PPFIBP1: variants seen among roughly 807,000 people sequenced by gnomAD.
The protein encoded by PPFIBP1 is PPFIB scaffold protein 1.
Under a neutral mutation model 137.8 loss-of-function variants are expected in PPFIBP1, and 112 were observed. That is an observed-to-expected ratio of 0.81 (90% confidence interval 0.70 to 0.95). The LOEUF (loss-of-function observed/expected upper bound fraction) is 0.95, where lower values mean the gene tolerates loss of function less well. Ranked by LOEUF, PPFIBP1 falls within the 40% of genes least tolerant of loss-of-function variation. The probability of loss-of-function intolerance (pLI) is 0.00; values close to 1 mark genes in which losing one functional copy is unlikely to be tolerated. For missense variants in PPFIBP1, 1,083 were observed against 1,196.6 expected (o/e 0.91, Z 1.40); for synonymous variants, 378 against 417.3 (o/e 0.91, Z 1.15).
chr12:27,680,595 C>T (rs1278136062), intron 21 of PPFIBP1, among the ~76,000 whole-genome samples: 1 of 152,114 alleles, frequency 6.6e-6, no homozygotes, highest in Non-Finnish European at 1.5e-5. Context: ...ACTCAAGAAA[C>T]ATTAGCATGT....
At chr12:27,600,429 T>G (rs1228146614) in intron 2 of PPFIBP1, among the ~76,000 whole-genome samples, 1 of 141,304 alleles carries the variant, frequency 7.1e-6, no homozygotes, top group Non-Finnish European at 1.5e-5. Context: ...AGAGCGAAAC[T>G]CCGTCTCAAA....
At chr12:27,687,332 T>C in intron 24 of PPFIBP1, 53 bp from the exon 25 acceptor site, 2 of 1,571,386 alleles carry the variant, frequency 1.3e-6, no homozygotes, top group Non-Finnish European at 8.6e-7. Context: ...CCTAAGAAAG[T>C]CCTCCTGCTA....
chr12:27,532,235 G>A (rs1036836628), intron 1 of PPFIBP1, among the ~76,000 whole-genome samples: 4 of 152,288 alleles, frequency 2.6e-5, no homozygotes, highest in African/African-American at 7.2e-5. Flanking sequence ...ACAGGAGATG[G>A]GGGCAGAAAG....
chr12:27,602,112 A>C (rs2137787379), intron 2 of PPFIBP1, among the ~76,000 whole-genome samples: 1 of 152,314 alleles, frequency 6.6e-6, no homozygotes, highest in East Asian at 1.9e-4. Context: ...GATCTGGAGA[A>C]CATTGAGCAA....
At chr12:27,549,244 A>T (rs1401536668) in intron 1 of PPFIBP1, 1 of 152,256 alleles carries the variant, frequency 6.6e-6, no homozygotes, top group Non-Finnish European at 1.5e-5. Context: ...CTTGACTTGG[A>T]TGATCCTTCT....
chr12:27,635,350 A>G (rs2057582088), intron 4 of PPFIBP1: 3 of 597,854 alleles, frequency 5.0e-6, no homozygotes, highest in Non-Finnish European at 8.9e-6. Context: ...CCATAAAAAC[A>G]GACTGGCTTT....
At chr12:27,593,207 C>T (rs1173178928) in intron 2 of PPFIBP1, among the ~76,000 whole-genome samples, 1 of 150,616 alleles carries the variant, frequency 6.6e-6, no homozygotes, top group African/African-American at 2.4e-5. Flanking sequence ...CTTCTCCTTG[C>T]TTGCTACCCT....
At chr12:27,639,306 A>C (rs2057935147) in intron 4 of PPFIBP1, among the ~76,000 whole-genome samples, 1 of 152,258 alleles carries the variant, frequency 6.6e-6, no homozygotes, top group Non-Finnish European at 1.5e-5. Flanking sequence ...GTTAACACAG[A>C]TATTAATAAT....
intron 1 of PPFIBP1, 118 bp downstream of exon 1, chr12:27,524,483 C>A (rs548218568): frequency 4.6e-5 from 7 of 151,912 alleles, no homozygotes; most frequent in African/African-American, 1.5e-4. Context: ...GCAACTCACT[C>A]CTGTTTCCCA....
chr12:27,647,025 G>A (rs1003633068), intron 5 of PPFIBP1, among the ~76,000 whole-genome samples: 12 of 152,048 alleles, frequency 7.9e-5, no homozygotes, highest in African/African-American at 2.9e-4. Flanking sequence ...TGTTTTGGAC[G>A]GAGTCTCGCT....
At chr12:27,679,761 T>C (rs2060771326) in intron 20 of PPFIBP1, 122 bp downstream of exon 20, 2 of 1,396,768 alleles carry the variant, frequency 1.4e-6, no homozygotes, top group Admixed American at 2.2e-5. Context: ...GTTTGGATTG[T>C]GATGTGGGAT....
At chr12:27,577,103 A>T (rs1449274813) in intron 1 of PPFIBP1, among the ~76,000 whole-genome samples, 1 of 152,116 alleles carries the variant, frequency 6.6e-6, no homozygotes, top group Non-Finnish European at 1.5e-5. Flanking sequence ...ATGTGATTTG[A>T]TGGGGTGTTG....
intron 4 of PPFIBP1, among the ~76,000 whole-genome samples, chr12:27,640,344 G>A (rs2058025825): frequency 6.6e-6 from 1 of 152,290 alleles, no homozygotes; most frequent in African/African-American, 2.4e-5. Flanking sequence ...TTCCCAAAGT[G>A]GAAGAGAGAT....
chr12:27,612,841 C>A (rs2055292205), intron 2 of PPFIBP1, among the ~76,000 whole-genome samples: 1 of 152,074 alleles, frequency 6.6e-6, no homozygotes, highest in Admixed American at 6.5e-5. Flanking sequence ...TGTCTCTCCT[C>A]AAGTATATTC....
At chr12:27,529,619 G>A (rs561043661) in intron 1 of PPFIBP1, among the ~76,000 whole-genome samples, 14 of 152,326 alleles carry the variant, frequency 9.2e-5, no homozygotes, top group African/African-American at 3.1e-4. Context: ...GCTTGAAGCC[G>A]GGAGGCGGAG....
In PPFIBP1 at chr12:27,662,486, G is replaced by C. The variant is rs142376421; in HGVS notation, c.906+1541G>C. On this transcript the variant is annotated intron_variant, in intron 11 of 29. Coordinates refer to ENST00000228425, the MANE Select transcript of PPFIBP1 (RefSeq NM_003622.4). ...CAGTTAAGAGTCAGTTAAAATAGGT[G>C]AGAAATGAAGAGGGCTTGAAGTAAG... 1.1e-4 allele frequency among the ~76,000 whole-genome samples: 16 copies of C among 152,310 alleles called. No individual in the cohort carries two copies. The East Asian group carries it at 2.9e-3, about 28-fold the overall frequency.
chr12:27,555,040 G>A (rs1410422030), intron 1 of PPFIBP1, among the ~76,000 whole-genome samples: 1 of 152,064 alleles, frequency 6.6e-6, no homozygotes, highest in African/African-American at 2.4e-5. Context: ...AGAGGCTGGG[G>A]TGGGGCGTGC....
At chr12:27,592,781 C>T (rs150942626) in intron 2 of PPFIBP1, 5 of 756,060 alleles carry the variant, frequency 6.6e-6, no homozygotes, top group Admixed American at 4.3e-5. Context: ...GTTAGGTAGG[C>T]GTAACCATGA....
At chr12:27,597,275 A>C (rs7962684) in intron 2 of PPFIBP1, among the ~76,000 whole-genome samples, 109,751 of 151,942 alleles carry the variant, frequency 0.72, 40,573 homozygotes, top group Non-Finnish European at 0.8. Flanking sequence ...TCAAGCAATT[A>C]TCCTGCCTCA....
Sources: gnomAD v4.1 joint callset for allele counts (sites outside exome capture counted in the v4.1 genomes callset) on GRCh38, gnomAD v4.1.1 for gene constraint, MANE v1.5 for transcripts, NCBI Gene and HGNC (gene_info 2026-07-23, HGNC 2026-07-21) for gene names.